The following HTR4 variants were observed in gnomAD, a reference collection of about 807,000 sequenced individuals.
HTR4 encodes 5-hydroxytryptamine (serotonin) receptor 4, G protein-coupled.
Under a neutral mutation model 36.8 loss-of-function variants are expected in HTR4, and 16 were observed. That is an observed-to-expected ratio of 0.43 (90% CI 0.29 to 0.66). HTR4 has a LOEUF of 0.66. Ranked by LOEUF, HTR4 falls within the 30% of genes least tolerant of loss-of-function variation. The pLI is 0.13. For synonymous variants in HTR4, 189 were observed against 185.1 expected (o/e 1.02, Z -0.17); for missense variants, 438 against 490.9 (o/e 0.89, Z 1.02).
At chr5:148,648,288 A>C (rs1753933209) in intron 1 of HTR4, among the ~76,000 whole-genome samples, 1 of 152,286 alleles carries the variant, frequency 6.6e-6, no homozygotes, top group Non-Finnish European at 1.5e-5. Context: ...TCTACTGTGC[A>C]GGTAGAAGAT....
At chr5:148,550,434 T>C (rs1452882115) in intron 2 of HTR4, among the ~76,000 whole-genome samples, 172 bp from the exon 3 acceptor site, 1 of 152,224 alleles carries the variant, frequency 6.6e-6, no homozygotes, top group Non-Finnish European at 1.5e-5. Context: ...CTTGACATTT[T>C]ATCCTGGTTA....
At chr5:148,558,192 A>G (rs978061889) in intron 2 of HTR4, among the ~76,000 whole-genome samples, 12 of 152,330 alleles carry the variant, frequency 7.9e-5, no homozygotes, top group Middle Eastern at 3.4e-3. Flanking sequence ...AGTTAGGAGA[A>G]GAGTACAAGG....
chr5:148,538,978 A>G (rs946621656), intron 4 of HTR4, among the ~76,000 whole-genome samples: 3 of 152,188 alleles, frequency 2.0e-5, no homozygotes, highest in African/African-American at 7.2e-5. Flanking sequence ...TTCAACCTAT[A>G]CTACAGGGCT....
intron 2 of HTR4, among the ~76,000 whole-genome samples, chr5:148,597,090 G>A (rs927193795): frequency 6.6e-6 from 1 of 152,132 alleles, no homozygotes; most frequent in Admixed American, 6.5e-5. Flanking sequence ...TCAGATGCTG[G>A]CTTTATTCAG....
chr5:148,459,891 T>G (rs1202768235), intron 5 of HTR4, among the ~76,000 whole-genome samples: 1 of 152,014 alleles, frequency 6.6e-6, no homozygotes, highest in Non-Finnish European at 1.5e-5. Context: ...AAGGGTCTAA[T>G]GGAAAAAGTA....
At chr5:148,562,274 GA>G (rs1561621116) in intron 2 of HTR4, among the ~76,000 whole-genome samples, 1 of 152,044 alleles carries the variant, frequency 6.6e-6, no homozygotes, top group African/African-American at 2.4e-5. Context: ...GACCCTTTAT[GA>G]AAAAGTGTCA....
At position 148,540,432 on chromosome 5, in the gene HTR4, A is replaced by G. The variant is rs866430631; in HGVS notation, c.353+8236T>C. Among the ~76,000 whole-genome samples the G allele has an allele frequency of 3.5e-4, 48 of 137,236 alleles. 1 individual carries two copies. The highest frequency in any genetic ancestry group is 1.1e-3 in the African/African-American group (41 of 36,256). The allele number at this position is 137,236 out of a possible 152,430, so 90.0% of individuals were successfully genotyped here. ...TATATATATATATATATATATATAT[A>G]TATATATATATATATAATCTTATAT... is the stretch of plus-strand genomic sequence containing the variant. On this transcript the variant is annotated intron_variant, in intron 4 of 6. Coordinates refer to ENST00000377888, the MANE Select transcript of HTR4 (RefSeq NM_000870.7).
At chr5:148,603,963 A>G (rs997311247) in intron 2 of HTR4, among the ~76,000 whole-genome samples, 3 of 152,130 alleles carry the variant, frequency 2.0e-5, no homozygotes, top group Admixed American at 6.5e-5. Flanking sequence ...GGTCAATCTG[A>G]TATCTATATA....
At chr5:148,563,430 T>C (rs34678723) in intron 2 of HTR4, among the ~76,000 whole-genome samples, 36,744 of 152,208 alleles carry the variant, frequency 0.24, 5,407 homozygotes, top group Non-Finnish European at 0.33. Context: ...TTTTCACAGC[T>C]GTTACCTTTT....
chr5:148,459,768 A>C (rs866294306), intron 5 of HTR4, among the ~76,000 whole-genome samples: 2 of 152,156 alleles, frequency 1.3e-5, no homozygotes, highest in Admixed American at 6.5e-5. Flanking sequence ...CAAACAAACA[A>C]AAAAAACCAC....
At chr5:148,549,072 C>A (rs910138182) in intron 3 of HTR4, among the ~76,000 whole-genome samples, 1 of 152,068 alleles carries the variant, frequency 6.6e-6, no homozygotes, top group African/African-American at 2.4e-5. Context: ...CTGAGAAGAC[C>A]CAGCGTGGTC....
At chr5:148,634,206 T>C (rs576267544) in intron 2 of HTR4, among the ~76,000 whole-genome samples, 35 of 152,300 alleles carry the variant, frequency 2.3e-4, no homozygotes, top group African/African-American at 7.9e-4. Context: ...AAGCCTTCTC[T>C]GAGATTTCTG....
chr5:148,603,395 A>T (rs1762063158), intron 2 of HTR4, among the ~76,000 whole-genome samples: 1 of 152,050 alleles, frequency 6.6e-6, no homozygotes, highest in African/African-American at 2.4e-5. Context: ...ATCCCAAAGA[A>T]CACCTTATAA....
At chr5:148,491,470 A>G (rs1167955299) in intron 6 of HTR4, among the ~76,000 whole-genome samples, 1 of 152,070 alleles carries the variant, frequency 6.6e-6, no homozygotes, top group African/African-American at 2.4e-5. Context: ...AGCTCAGAGG[A>G]CTAGTTTGAA....
chr5:148,549,004 G>C, intron 3 of HTR4, 136 bp from the exon 4 acceptor site: 5 of 666,476 alleles, frequency 7.5e-6, no homozygotes, highest in Non-Finnish European at 1.1e-5. Context: ...AAAGAGGAAA[G>C]AAAAAGTCAC....
At chr5:148,523,921 C>G (rs893988180) in intron 4 of HTR4, among the ~76,000 whole-genome samples, 2 of 152,102 alleles carry the variant, frequency 1.3e-5, no homozygotes, top group African/African-American at 4.8e-5. Context: ...CATCTGGGCT[C>G]TAACCACTGT....
At chr5:148,652,401 G>A (rs552256389) in intron 1 of HTR4, among the ~76,000 whole-genome samples, 1 of 152,288 alleles carries the variant, frequency 6.6e-6, no homozygotes, top group South Asian at 2.1e-4. Context: ...GAAGCGTCTT[G>A]GGGTAGCAGG....
At chr5:148,462,977 G>GCT (rs1192073945) in intron 5 of HTR4, among the ~76,000 whole-genome samples, 1 of 151,816 alleles carries the variant, frequency 6.6e-6, no homozygotes, top group Non-Finnish European at 1.5e-5. Context: ...GATTTAAAAA[G>GCT]CTCTCGGTAA....
At chr5:148,543,612 C>G (rs1012664879) in intron 4 of HTR4, among the ~76,000 whole-genome samples, 2 of 151,966 alleles carry the variant, frequency 1.3e-5, no homozygotes, top group African/African-American at 4.8e-5. Context: ...ACAGTGGTTA[C>G]CTCAGGTTAT....
Sources: allele counts gnomAD v4.1 joint callset (sites outside exome capture counted in the v4.1 genomes callset), GRCh38; gene constraint gnomAD v4.1.1; transcripts MANE v1.5; gene names NCBI Gene and HGNC (gene_info 2026-07-23, HGNC 2026-07-21).